DUXA: variants seen among roughly 807,000 people sequenced by gnomAD.
DUXA encodes double homeobox A.
DUXA carries 25 observed loss-of-function variants against 27.5 expected under a neutral mutation model. That is an observed-to-expected ratio of 0.91 (90% CI 0.66 to 1.27). The LOEUF (loss-of-function observed/expected upper bound fraction) is 1.27. Among genes scored for constraint, DUXA ranks in the 50% most tolerant of loss-of-function variants. The pLI, the probability that DUXA is intolerant of heterozygous loss-of-function variation, is 0.00. For missense variants in DUXA, 247 were observed against 242.9 expected, an observed-to-expected ratio of 1.02 and a Z score of -0.11; for synonymous variants, 90 against 80.5, an observed-to-expected ratio of 1.12 and a Z score of -0.63.
At chr19:57,160,609 C>A in intron 2 of DUXA, 34 bp downstream of exon 2, 2 of 1,606,488 alleles carry the variant, frequency 1.2e-6, no homozygotes, top group Non-Finnish European at 1.7e-6. Context: ...TGCCTTTTTA[C>A]TTCCAGTCCT....
intron 1 of DUXA, among the ~76,000 whole-genome samples, chr19:57,161,376 C>G (rs918981030): frequency 4.2e-5 from 6 of 141,780 alleles, no homozygotes; most frequent in Non-Finnish European, 7.5e-5. Context: ...GTAATCCCAG[C>G]ACTTTGGGAG....
intron 1 of DUXA, among the ~76,000 whole-genome samples, chr19:57,162,504 A>C (rs2087029321): frequency 6.6e-6 from 1 of 152,194 alleles, no homozygotes; most frequent in Non-Finnish European, 1.5e-5. Flanking sequence ...AAAGACCAAC[A>C]GCTTTTTTGT....
At chr19:57,156,264 A>G (rs1027907549) in intron 4 of DUXA, among the ~76,000 whole-genome samples, 3 of 152,208 alleles carry the variant, frequency 2.0e-5, no homozygotes, top group South Asian at 2.1e-4. Context: ...CACAAGACAA[A>G]CTTAATTTCT....
intron 1 of DUXA, among the ~76,000 whole-genome samples, chr19:57,165,345 GTA>G (rs1188171993): frequency 1.8e-5 from 2 of 111,716 alleles, no homozygotes; most frequent in Non-Finnish European, 3.8e-5. Flanking sequence ...ATATATATAT[GTA>G]TATATATATA....
chr19:57,161,459 TA>T (rs571508751), intron 1 of DUXA, among the ~76,000 whole-genome samples: 2 of 147,498 alleles, frequency 1.4e-5, no homozygotes, highest in East Asian at 3.9e-4. Flanking sequence ...CCGTCTCTAC[TA>T]AAAATACAAA....
rs768661356 is a variant in DUXA at position 57,155,253 on chromosome 19, A to C, written c.544+14T>G. The C allele has an allele frequency of 6.2e-7, 1 of 1,612,226 alleles. No individual in the cohort carries two copies. On this transcript the variant is annotated intron_variant, in intron 5 of 5. Coordinates refer to ENST00000554048, the MANE Select transcript of DUXA (RefSeq NM_001012729.2). Reference sequence around the variant, plus strand: ...TCCGCTTGTGAACCACATTGGAAACAACAGGCTAGTTACCTTGCAGTCCCT... The same window carrying C: ...TCCGCTTGTGAACCACATTGGAAACCACAGGCTAGTTACCTTGCAGTCCCT...
At chr19:57,155,659 A>AGATAGATAGATAGATG (rs2086989804) in intron 4 of DUXA, among the ~76,000 whole-genome samples, 1 of 151,210 alleles carries the variant, frequency 6.6e-6, no homozygotes. Context: ...ATAGATAGAT[A>AGATAGATAGATAGATG]GATAGATAGA....
At chr19:57,163,069 A>C (rs955009499) in intron 1 of DUXA, among the ~76,000 whole-genome samples, 1 of 151,886 alleles carries the variant, frequency 6.6e-6, no homozygotes, top group African/African-American at 2.4e-5. Context: ...ATATGTTGCA[A>C]TGTGTACTCC....
chr19:57,166,178 A>G (rs942785617), intron 1 of DUXA, among the ~76,000 whole-genome samples: 2 of 152,206 alleles, frequency 1.3e-5, no homozygotes, highest in African/African-American at 4.8e-5. Flanking sequence ...ACATCTGAAA[A>G]AAAAGAATAA....
In DUXA at chr19:57,158,431, T is replaced by C; in HGVS notation, c.335A>G (p.Gln112Arg). 1 of 1,614,032 alleles carries C rather than the reference T, an allele frequency of 6.2e-7. No individual in the cohort carries two copies. Among genetic ancestry groups the C allele is most frequent in the Non-Finnish European group, 8.5e-7 (1 of 1,179,980 alleles). ...RRCRTTYSAS[Q>R]LHTLIKAFMK... ...AAATGCCTTGATGAGAGTGTGTAAC[T>C]GAGAGGCGCTGTAGGTGGTACGACA... is the stretch of plus-strand genomic sequence containing the variant. The change falls in exon 4 of 6, where the codon CAG (glutamine) becomes CGG (arginine). Residue 112 changes from glutamine (Q) to arginine (R), a missense_variant. Physicochemically the swap from Gln to Arg is conservative, Grantham distance 43. Transcript: ENST00000554048.
In DUXA at chr19:57,160,744, A is replaced by G. The variant is rs780938901; in HGVS notation, c.79T>C (p.Leu27=). 101 of 1,614,056 alleles carry G rather than the reference A, an allele frequency of 6.3e-5. 5 individuals carry two copies. In the South Asian group the frequency reaches 1.1e-3, roughly 17 times the overall value. Residue 27 remains leucine, a synonymous_variant, in exon 2 of 6, where the codon TTG becomes CTG. Transcript: ENST00000554048. ...TTGAAGGTATTGATGAGGATTTTCA[A>G]CTGTTCTTCTGTGAATTTTGTGCGA... ...RCRTKFTEEQ[L]KILINTFNQK...
chr19:57,163,573 A>G (rs2087035641), intron 1 of DUXA, among the ~76,000 whole-genome samples: 2 of 151,942 alleles, frequency 1.3e-5, no homozygotes, highest in South Asian at 4.1e-4. Flanking sequence ...ACTCCTGAGT[A>G]GCTGGGATTA....
At chr19:57,155,448 T>G (rs2122687621) in intron 4 of DUXA, 76 bp from the exon 5 acceptor site, 1 of 1,209,798 alleles carries the variant, frequency 8.3e-7, no homozygotes, top group East Asian at 2.4e-5. Flanking sequence ...CTTCTCTTTT[T>G]TCTTTTCTGT....
At position 57,158,341 on chromosome 19, in the gene DUXA, T is replaced by G; in HGVS notation, c.425A>C (p.Glu142Ala). 1 of 1,612,068 alleles carries G rather than the reference T, an allele frequency of 6.2e-7. No homozygotes were observed. The highest frequency in any genetic ancestry group is 8.5e-7 in the Non-Finnish European group (1 of 1,179,862). ...EELAKEIGVPESRVQIWFQNR... is the reference protein window; with the variant it reads ...EELAKEIGVPASRVQIWFQNR... ...CTTATCACTCACTTGGACTCTTGAC[T>G]CTGGAACACCGATTTCTTTAGCAAG... Residue 142 changes from glutamate to alanine, a missense_variant, in exon 4 of 6, where the codon GAG (glutamate) becomes GCG (alanine). Coordinates refer to ENST00000554048, the MANE Select transcript of DUXA (RefSeq NM_001012729.2).
intron 1 of DUXA, among the ~76,000 whole-genome samples, chr19:57,162,438 G>C (rs1599932194): frequency 6.6e-6 from 1 of 152,214 alleles, no homozygotes. Flanking sequence ...AACAGAATTA[G>C]ACTTAGTGAA....
At chr19:57,154,562 C>CTT in intron 5 of DUXA, 80 bp from the exon 6 acceptor site, 4 of 1,173,736 alleles carry the variant, frequency 3.4e-6, no homozygotes, top group Non-Finnish European at 3.6e-6. Context: ...CTTTTCCCAC[C>CTT]TTTTCTTTTT....
chr19:57,160,100 G>A (rs1208180862), intron 2 of DUXA, among the ~76,000 whole-genome samples: 4 of 151,944 alleles, frequency 2.6e-5, no homozygotes, highest in Non-Finnish European at 5.9e-5. Flanking sequence ...GCGAGACTCT[G>A]TCTCAAAATT....
intron 1 of DUXA, among the ~76,000 whole-genome samples, chr19:57,166,259 T>C (rs1444328906): frequency 6.6e-6 from 1 of 152,134 alleles, no homozygotes; most frequent in Non-Finnish European, 1.5e-5. Flanking sequence ...GCCAAGTGCC[T>C]TTTTGTTGAA....
intron 1 of DUXA, among the ~76,000 whole-genome samples, chr19:57,161,158 T>C (rs2087019038): frequency 6.6e-6 from 1 of 151,342 alleles, no homozygotes; most frequent in Non-Finnish European, 1.5e-5. Flanking sequence ...ACTCCATCTG[T>C]ACTAAAAATA....
Sources: gnomAD v4.1 joint callset for allele counts (sites outside exome capture counted in the v4.1 genomes callset) on GRCh38, gnomAD v4.1.1 for gene constraint, MANE v1.5 for transcripts, NCBI Gene and HGNC (gene_info 2026-07-23, HGNC 2026-07-21) for gene names.